FOXJ3: variants seen among roughly 807,000 people sequenced by gnomAD.
FOXJ3 encodes forkhead box protein J3.
A neutral mutation model predicts 76.1 loss-of-function variants in FOXJ3; 22 were observed. That is an observed-to-expected ratio of 0.29 (90% CI 0.21 to 0.41). FOXJ3 has a LOEUF of 0.41. Ranked by LOEUF, FOXJ3 falls within the 10% of genes least tolerant of loss-of-function variation. The pLI is 1.00. For missense variants in FOXJ3, 613 were observed against 762.1 expected (o/e 0.80, Z 2.30); for synonymous variants, 269 against 261.2 (o/e 1.03, Z -0.29).
chr1:42,191,050 G>GTAAGATAATGTAAGATAATTATAGTT (rs145400915), intron 9 of FOXJ3, among the ~76,000 whole-genome samples: 1 of 152,104 alleles, frequency 6.6e-6, no homozygotes, highest in East Asian at 1.9e-4. Flanking sequence ...GTAAGATAAT[G>GTAAGATAATGTAAGATAATTATAGTT]TATCTAAATT....
intron 3 of FOXJ3, among the ~76,000 whole-genome samples, chr1:42,273,875 C>T (rs989189064): frequency 7.2e-5 from 11 of 151,996 alleles, no homozygotes; most frequent in Admixed American, 3.9e-4. Context: ...TCTTGGGGAG[C>T]GGGGTAGACT....
intron 4 of FOXJ3, among the ~76,000 whole-genome samples, chr1:42,231,362 T>C (rs1648094320): frequency 1.3e-5 from 2 of 151,890 alleles, no homozygotes; most frequent in African/African-American, 4.8e-5. Flanking sequence ...AAACGAGGGA[T>C]ACTCTGACAC....
chr1:42,205,660 T>C (rs1237196140), intron 6 of FOXJ3, 102 bp downstream of exon 6: 7 of 714,142 alleles, frequency 9.8e-6, no homozygotes, highest in Non-Finnish European at 1.7e-5. Flanking sequence ...CAAATTTATA[T>C]AATCTTTAAA....
intron 1 of FOXJ3, among the ~76,000 whole-genome samples, chr1:42,321,286 T>C (rs111672054): frequency 2.6e-5 from 4 of 152,126 alleles, no homozygotes; most frequent in African/African-American, 4.8e-5. Flanking sequence ...TAATGCTCAA[T>C]AGGTAGTGGC....
At chr1:42,244,461 G>A (rs1425999593) in intron 4 of FOXJ3, among the ~76,000 whole-genome samples, 1 of 152,168 alleles carries the variant, frequency 6.6e-6, no homozygotes, top group East Asian at 1.9e-4. Context: ...TGGCTGCAAT[G>A]AGCTAGGATC....
chr1:42,300,679 G>A (rs1301788062), intron 2 of FOXJ3, among the ~76,000 whole-genome samples: 1 of 152,186 alleles, frequency 6.6e-6, no homozygotes, highest in Non-Finnish European at 1.5e-5. Flanking sequence ...TTGGGAGGCT[G>A]AGCAAGAGGA....
Position 42,179,738 on chromosome 1 carries a change from T to C in FOXJ3, c.1841A>G (p.Asp614Gly). The stretch of plus-strand genomic sequence containing the variant: ...CACAATTGAATCCCAATCAAAGTCA[T>C]CCTGGATGTCATCTGGAGGCAGGGA... ...RRSLPPDDIQDDFDWDSIV is the reference protein window; with the variant it reads ...RRSLPPDDIQGDFDWDSIV The change falls in exon 13 of 13, where the codon GAT becomes GGT. Residue 614 changes from aspartate to glycine, a missense_variant. This residue lies in a region of FOXJ3 where 526 missense variants were observed against 601.4 expected (regional missense o/e 0.87). Coordinates refer to ENST00000361346, the MANE Select transcript of FOXJ3 (RefSeq NM_014947.5). 1 of 1,613,468 alleles carries C rather than the reference T, an allele frequency of 6.2e-7. No individual in the cohort carries two copies. Among genetic ancestry groups the C allele is most frequent in the Non-Finnish European group, 8.5e-7 (1 of 1,179,434 alleles).
rs1646276121 is a variant in FOXJ3, at chr1:42,179,578, T to C, written c.*132A>G. The C allele has an allele frequency of 1.7e-6, 1 of 582,576 alleles. No homozygotes were observed. Among genetic ancestry groups the C allele is most frequent in the Non-Finnish European group, 3.1e-6 (1 of 322,874 alleles). 36.1% of individuals were successfully genotyped at this position (582,576 alleles called of 1,614,324 possible). ...TATCCAGCTAAAATCCTTCTGATTGTCTTCAAAAGTAATTTTGATAACATT... is the reference window on the plus strand; with the variant it reads ...TATCCAGCTAAAATCCTTCTGATTGCCTTCAAAAGTAATTTTGATAACATT... On this transcript the variant is annotated 3_prime_UTR_variant, in exon 13 of 13. Coordinates refer to ENST00000361346, the MANE Select transcript of FOXJ3 (RefSeq NM_014947.5).
At chr1:42,283,401 C>G (rs1414398637) in intron 2 of FOXJ3, among the ~76,000 whole-genome samples, 1 of 152,092 alleles carries the variant, frequency 6.6e-6, no homozygotes, top group Non-Finnish European at 1.5e-5. Context: ...CTCATATGAT[C>G]CCATGTATGC....
At chr1:42,330,558 G>A (rs896342996) in intron 1 of FOXJ3, among the ~76,000 whole-genome samples, 1 of 151,968 alleles carries the variant, frequency 6.6e-6, no homozygotes, top group Non-Finnish European at 1.5e-5. Flanking sequence ...GGATCACTGG[G>A]GCCCAGGAGG....
At chr1:42,279,270 G>C (rs1652518410) in intron 2 of FOXJ3, among the ~76,000 whole-genome samples, 1 of 152,140 alleles carries the variant, frequency 6.6e-6, no homozygotes, top group Non-Finnish European at 1.5e-5. Flanking sequence ...AAGCTAGCTG[G>C]GGGAGTTGAC....
chr1:42,195,390 A>T (rs1386303315), intron 7 of FOXJ3, among the ~76,000 whole-genome samples: 2 of 152,220 alleles, frequency 1.3e-5, no homozygotes, highest in African/African-American at 4.8e-5. Context: ...TAGAATCTTC[A>T]ATCTTGATTT....
In FOXJ3 at chr1:42,203,814, G is replaced by A. The variant is rs182887318; in HGVS notation, c.630+1948C>T. On this transcript the variant is annotated intron_variant, in intron 6 of 12. Transcript: ENST00000361346. ...AGTTTGAGACCAGCCTGGCCAACAT[G>A]GTGGAACCCCATCTCTACTAAAAAC... Among the ~76,000 whole-genome samples the A allele has an allele frequency of 1.8e-4, 28 of 152,076 alleles. No homozygotes were observed. In the East Asian group the frequency reaches 4.5e-3, roughly 24 times the overall value.
chr1:42,333,623 C>T (rs1005509337), intron 1 of FOXJ3, among the ~76,000 whole-genome samples: 1 of 151,980 alleles, frequency 6.6e-6, no homozygotes, highest in Non-Finnish European at 1.5e-5. Context: ...TGCTAGGGAC[C>T]AGGAGGAATA....
intron 1 of FOXJ3, among the ~76,000 whole-genome samples, chr1:42,329,416 G>A (rs987446876): frequency 5.9e-5 from 9 of 152,180 alleles, no homozygotes; most frequent in Non-Finnish European, 1.2e-4. Context: ...CAATTAAGAT[G>A]GTCAAATTTT....
chr1:42,319,573 T>C (rs1655316763), intron 1 of FOXJ3, among the ~76,000 whole-genome samples: 1 of 152,172 alleles, frequency 6.6e-6, no homozygotes, highest in Admixed American at 6.6e-5. Context: ...AAAAACGTTC[T>C]AAAATTAGAC....
Position 42,332,511 on chromosome 1 carries a change from T to A in FOXJ3, c.-18+2548A>T, listed in dbSNP as rs549317479. Among the ~76,000 whole-genome samples the A allele has an allele frequency of 5.9e-5, 9 of 152,308 alleles. No homozygotes were observed. In the South Asian group the frequency reaches 1.9e-3, roughly 32 times the overall value. On this transcript the variant is annotated intron_variant, in intron 1 of 12. Coordinates refer to ENST00000361346, the MANE Select transcript of FOXJ3 (RefSeq NM_014947.5). Reference sequence around the variant, plus strand: ...ACCACTATCTTATATCAGACCCTCATCAGCTTATTCCTAAAATTCTCCATA... The same window carrying A: ...ACCACTATCTTATATCAGACCCTCAACAGCTTATTCCTAAAATTCTCCATA...
At chr1:42,267,708 G>A (rs1651572662) in intron 3 of FOXJ3, among the ~76,000 whole-genome samples, 1 of 152,068 alleles carries the variant, frequency 6.6e-6, no homozygotes, top group South Asian at 2.1e-4. Flanking sequence ...AAAGGGTCTA[G>A]CAGAAAAAAA....
At chr1:42,225,080 CA>C (rs1002123495) in intron 5 of FOXJ3, among the ~76,000 whole-genome samples, 286 of 128,206 alleles carry the variant, frequency 2.2e-3, no homozygotes, top group African/African-American at 3.2e-3. Flanking sequence ...AGACTCCCCT[CA>C]AAAAAAAAAA....
Sources: allele counts gnomAD v4.1 joint callset (sites outside exome capture counted in the v4.1 genomes callset), GRCh38; gene constraint gnomAD v4.1.1; regional missense constraint gnomAD v4.1.1; transcripts MANE v1.5; gene names NCBI Gene and HGNC (gene_info 2026-07-23, HGNC 2026-07-21).